Variants in MYO7A observed in about 807,000 individuals in gnomAD.
The protein encoded by MYO7A is unconventional myosin-VIIa.
In MYO7A, 210 loss-of-function variants were observed where a neutral mutation model predicts 263.8. The ratio of observed to expected loss-of-function variants is 0.80; its 90% confidence interval spans 0.71 to 0.89. MYO7A has a LOEUF of 0.89. Among genes scored for constraint, MYO7A ranks in the 40% least tolerant of loss-of-function variants. The probability of loss-of-function intolerance (pLI) is 0.00; values close to 1 mark genes in which losing one functional copy is unlikely to be tolerated. For synonymous variants in MYO7A, 1,239 were observed against 1,197.3 expected, an observed-to-expected ratio of 1.03 and a Z score of -0.72; for missense variants, 2,820 against 2,968.3, an observed-to-expected ratio of 0.95 and a Z score of 1.16.
intron 37 of MYO7A, among the ~76,000 whole-genome samples, 179 bp downstream of exon 37, chr11:77,202,603 T>C (rs138936549): frequency 1.1e-3 from 175 of 152,242 alleles, no homozygotes; most frequent in African/African-American, 3.9e-3. Context: ...TGTCTCATCT[T>C]ATCTTCCTTC....
At chr11:77,201,342 T>G in intron 35 of MYO7A, 106 bp from the exon 36 acceptor site, 1 of 1,121,828 alleles carries the variant, frequency 8.9e-7, no homozygotes, top group Non-Finnish European at 1.3e-6. Flanking sequence ...GGAGGCAGAG[T>G]GGCAAGTGGG....
chr11:77,133,654 T>C (rs1555046632), intron 2 of MYO7A, among the ~76,000 whole-genome samples: 1 of 151,532 alleles, frequency 6.6e-6, no homozygotes, highest in African/African-American at 2.4e-5. Context: ...GATCATGTGG[T>C]TGGTTTTTGT....
rs868924752 is a variant in MYO7A at position 77,158,178 on chromosome 11, G to A, written c.850-99G>A. 7.2e-5 allele frequency: 100 copies of A among 1,380,758 alleles called. No individual in the cohort carries two copies. In the South Asian group the frequency reaches 1.3e-3, roughly 17 times the overall value. 85.5% of individuals were successfully genotyped at this position (1,380,758 alleles called of 1,614,324 possible). A position where few individuals can be genotyped will look rare whatever the true frequency, so the allele number is the denominator to read the frequency against. On this transcript the variant is annotated intron_variant, in intron 8 of 48. Transcript: ENST00000409709. ...CTGGGGCCCCGGGCTGGCCTGGCCT[G>A]TCAGGCAGAAAGGGCCTTTTGGGCA...
In MYO7A at chr11:77,160,247, G is replaced by A. The variant is rs782227657; in HGVS notation, c.1165G>A (p.Glu389Lys). ...GETVSTPLSR[E>K]QALDVRDAFV... ...GACGGTGTCCACCCCACTGAGCAGG[G>A]AACAGGCACTGGACGTGCGCGACGC... Residue 389 changes from glutamate to lysine, a missense_variant, in exon 11 of 49, where the codon GAA (glutamate) becomes AAA (lysine). By Grantham distance (56) the Glu-to-Lys change is moderately conservative. Coordinates refer to ENST00000409709, the MANE Select transcript of MYO7A (RefSeq NM_000260.4). 2 of 1,578,690 alleles carry A rather than the reference G, an allele frequency of 1.3e-6. No individual in the cohort carries two copies. The highest frequency in any genetic ancestry group is 1.7e-4 in the Middle Eastern group (1 of 5,994).
rs571062446 is a variant in MYO7A at position 77,129,940 on chromosome 11, G to T, written c.-46-649G>T. Reference sequence around the variant, plus strand: ...AGAGAAAAGACCGAGGCATCAGCAGGGGCCAGATTGTGCTGGGCCTAGCGG... The same window carrying T: ...AGAGAAAAGACCGAGGCATCAGCAGTGGCCAGATTGTGCTGGGCCTAGCGG... On this transcript the variant is annotated intron_variant, in intron 1 of 48. Transcript: ENST00000409709. 2.0e-5 allele frequency among the ~76,000 whole-genome samples: 3 copies of T among 152,202 alleles called. No homozygotes were observed. The East Asian group carries it at 5.8e-4, about 29-fold the overall frequency.
chr11:77,187,014 G>A (rs1191855886), intron 27 of MYO7A, among the ~76,000 whole-genome samples: 1 of 152,178 alleles, frequency 6.6e-6, no homozygotes, highest in African/African-American at 2.4e-5. Context: ...CAGGGAATCA[G>A]GAGGCGTGAG....
At chr11:77,182,999 C>G in intron 25 of MYO7A, 69 bp from the exon 26 acceptor site, 1 of 1,339,936 alleles carries the variant, frequency 7.5e-7, no homozygotes, top group Non-Finnish European at 1.0e-6. Flanking sequence ...CCCGCAAAGT[C>G]TTGCTGTCGG....
rs113176377 is a variant in MYO7A, at chr11:77,207,423, G to A, written c.5856+21G>A. The stretch of plus-strand genomic sequence containing the variant: ...ACAAGGTGGGTCCTTTGCCACCTTC[G>A]CCAAGGTGGGAGATTTGCTGGGGCC... On this transcript the variant is annotated intron_variant, in intron 42 of 48. Transcript: ENST00000409709. The A allele has an allele frequency of 2.7e-4, 412 of 1,516,196 alleles. No individual in the cohort carries two copies. The Middle Eastern group carries it at 3.9e-3, about 14-fold the overall frequency. The allele number at this position is 1,516,196 out of a possible 1,614,324, so 93.9% of individuals were successfully genotyped here. A position where few individuals can be genotyped will look rare whatever the true frequency, so the allele number is the denominator to read the frequency against.
In MYO7A at chr11:77,189,891, G is replaced by T. The variant is rs988737950; in HGVS notation, c.3631-129G>T. ...TGGAAATAGATGGTGGAGCTGAGAGGGTAGGGAAGCCACAGAAAGCAACCT... is the reference window on the plus strand; with the variant it reads ...TGGAAATAGATGGTGGAGCTGAGAGTGTAGGGAAGCCACAGAAAGCAACCT... On this transcript the variant is annotated intron_variant, in intron 28 of 48. Transcript: ENST00000409709. The T allele has an allele frequency of 1.0e-5, 14 of 1,384,280 alleles. No homozygotes were observed. The East Asian group carries it at 2.8e-4, about 28-fold the overall frequency. 85.7% of individuals were successfully genotyped at this position (1,384,280 alleles called of 1,614,324 possible). A position where few individuals can be genotyped will look rare whatever the true frequency, so the allele number is the denominator to read the frequency against.
chr11:77,201,322 G>A lies in MYO7A; in HGVS notation c.4853-126G>A, dbSNP rs979668737. 3 of 928,246 alleles carry A rather than the reference G, an allele frequency of 3.2e-6. No individual in the cohort carries two copies. The Admixed American group carries it at 6.4e-5, about 20-fold the overall frequency. The allele number at this position is 928,246 out of a possible 1,614,324, so 57.5% of individuals were successfully genotyped here. The stretch of plus-strand genomic sequence containing the variant: ...GGTGATGGTCTCTGTATGGAGAGTT[G>A]TGACAAGGTGGAGGCAGAGTGGCAA... On this transcript the variant is annotated intron_variant, in intron 35 of 48. Transcript: ENST00000409709.
intron 37 of MYO7A, 142 bp downstream of exon 37, chr11:77,202,566 C>T (rs1591472320): frequency 8.7e-7 from 1 of 1,155,874 alleles, no homozygotes; most frequent in East Asian, 2.6e-5. Flanking sequence ...AGGGCTGTTT[C>T]TGTCTGCCAG....
intron 35 of MYO7A, among the ~76,000 whole-genome samples, chr11:77,200,932 T>G (rs1421353906): frequency 1.4e-5 from 2 of 147,338 alleles, no homozygotes; most frequent in Non-Finnish European, 3.0e-5. Flanking sequence ...CTGTCCTCAG[T>G]GGGGAGGGGG....
In MYO7A at chr11:77,179,101, G is replaced by C; in HGVS notation, c.2339G>C (p.Gly780Ala). 1 of 1,606,430 alleles carries C rather than the reference G, an allele frequency of 6.2e-7. No individual in the cohort carries two copies. The highest frequency in any genetic ancestry group is 8.5e-7 in the Non-Finnish European group (1 of 1,176,950). ...ACACTGATCCAGAGGCACTGGCGGG[G>C]TCACAACTGTAGGAAGAACTACGGG... ...AATLIQRHWR[G>A]HNCRKNYGLM... is the part of the protein sequence containing the mutation. The change falls in exon 20 of 49, where the codon GGT (glycine) becomes GCT (alanine). Residue 780 changes from glycine to alanine, a missense_variant. By Grantham distance (60) the Gly-to-Ala change is moderately conservative (BLOSUM62 0). Coordinates refer to ENST00000409709, the MANE Select transcript of MYO7A (RefSeq NM_000260.4).
chr11:77,203,313 G>A, intron 38 of MYO7A, 96 bp downstream of exon 38: 2 of 1,377,380 alleles, frequency 1.5e-6, no homozygotes, highest in South Asian at 2.8e-5. Flanking sequence ...CTGCGACCCG[G>A]GCACACATGG....
rs1400878702 is a variant in MYO7A, at chr11:77,160,077, C to G, written c.1081-86C>G. The stretch of plus-strand genomic sequence containing the variant: ...AGTGGAGGCAGTGGTCTGGGCCAGG[C>G]CAGTGCCGGAAAGTGGAGGGATCCG... On this transcript the variant is annotated intron_variant, in intron 10 of 48. Coordinates refer to ENST00000409709, the MANE Select transcript of MYO7A (RefSeq NM_000260.4). The G allele has an allele frequency of 2.7e-6, 4 of 1,498,100 alleles. No homozygotes were observed. In the East Asian group the frequency reaches 1.0e-4, roughly 37 times the overall value. The allele number at this position is 1,498,100 out of a possible 1,614,324, so 92.8% of individuals were successfully genotyped here.
chr11:77,171,275 G>A (rs781991301), intron 15 of MYO7A, among the ~76,000 whole-genome samples: 3 of 152,262 alleles, frequency 2.0e-5, no homozygotes, highest in East Asian at 1.9e-4. Context: ...ATGCGTATGC[G>A]TGTACTCATG....
intron 18 of MYO7A, among the ~76,000 whole-genome samples, chr11:77,176,923 C>T (rs1954696571): frequency 6.6e-6 from 1 of 152,094 alleles, no homozygotes; most frequent in African/African-American, 2.4e-5. Context: ...TGTCCAACTA[C>T]AGTGAGGGTT....
intron 44 of MYO7A, 34 bp downstream of exon 44, chr11:77,208,837 A>C: frequency 6.8e-7 from 1 of 1,468,602 alleles, no homozygotes; most frequent in Non-Finnish European, 9.3e-7. Flanking sequence ...GCCTTCGTGC[A>C]CAGCTAGCGT....
intron 31 of MYO7A, among the ~76,000 whole-genome samples, chr11:77,192,549 A>C (rs1045981263): frequency 6.6e-5 from 10 of 151,916 alleles, no homozygotes; most frequent in African/African-American, 2.4e-4. Context: ...TGTGCGTGCT[A>C]CAGAGGACGT....
Sources: allele counts gnomAD v4.1 joint callset (sites outside exome capture counted in the v4.1 genomes callset), GRCh38; gene constraint gnomAD v4.1.1; transcripts MANE v1.5; gene names NCBI Gene and HGNC (gene_info 2026-07-23, HGNC 2026-07-21).